Variants in CPQ observed in about 807,000 individuals in gnomAD.
CPQ encodes the protein carboxypeptidase Q.
Under a neutral mutation model 45.7 loss-of-function variants are expected in CPQ, and 37 were observed. That is an observed-to-expected ratio of 0.81 (90% CI 0.62 to 1.07). CPQ has a LOEUF of 1.07. Among genes scored for constraint, CPQ ranks in the 50% least tolerant of loss-of-function variants. The pLI, the probability that CPQ is intolerant of heterozygous loss-of-function variation, is 0.00. For missense variants in CPQ, 537 were observed against 572.9 expected (o/e 0.94, Z 0.64); for synonymous variants, 186 against 205.8 (o/e 0.90, Z 0.82).
chr8:96,876,621 G>T (rs779470314), intron 3 of CPQ, among the ~76,000 whole-genome samples: 2 of 152,056 alleles, frequency 1.3e-5, no homozygotes, highest in Non-Finnish European at 2.9e-5. Context: ...AGTTTGATTA[G>T]TGATTTTATC....
intron 2 of CPQ, among the ~76,000 whole-genome samples, chr8:96,806,447 C>T (rs1811081337): frequency 6.6e-6 from 1 of 152,032 alleles, no homozygotes; most frequent in Non-Finnish European, 1.5e-5. Context: ...TCCCACAGTA[C>T]TAAGACAGAC....
chr8:97,112,819 G>A (rs1446103306), intron 7 of CPQ, among the ~76,000 whole-genome samples: 3 of 152,232 alleles, frequency 2.0e-5, no homozygotes, highest in African/African-American at 2.4e-5. Flanking sequence ...GTGATGTCAC[G>A]GAGAGGAAGG....
intron 1 of CPQ, among the ~76,000 whole-genome samples, chr8:96,654,509 T>G (rs1563693035): frequency 6.6e-6 from 1 of 152,102 alleles, no homozygotes; most frequent in South Asian, 2.1e-4. Context: ...TAGAGTACTG[T>G]GTATAATGAG....
At chr8:96,950,316 A>T (rs994053731) in intron 4 of CPQ, among the ~76,000 whole-genome samples, 1 of 152,166 alleles carries the variant, frequency 6.6e-6, no homozygotes, top group African/African-American at 2.4e-5. Flanking sequence ...GTTTTCTTTA[A>T]GGAACTGAAC....
chr8:96,694,414 G>C (rs1039632126), intron 1 of CPQ, among the ~76,000 whole-genome samples: 1 of 151,774 alleles, frequency 6.6e-6, no homozygotes, highest in Non-Finnish European at 1.5e-5. Context: ...CTGCACAGTA[G>C]ATCAAATGGA....
chr8:96,776,848 C>G (rs190600999), intron 1 of CPQ, among the ~76,000 whole-genome samples: 269 of 152,200 alleles, frequency 1.8e-3, no homozygotes, highest in Non-Finnish European at 3.3e-3. Context: ...TATATAACTT[C>G]TGAATTCAAA....
intron 7 of CPQ, among the ~76,000 whole-genome samples, chr8:97,091,875 G>A (rs943019738): frequency 1.3e-5 from 2 of 151,888 alleles, no homozygotes; most frequent in African/African-American, 4.8e-5. Flanking sequence ...TGGATGGATG[G>A]ATGGATGGCA....
intron 4 of CPQ, among the ~76,000 whole-genome samples, chr8:96,903,693 A>C (rs1367677855): frequency 6.6e-6 from 1 of 152,216 alleles, no homozygotes; most frequent in Non-Finnish European, 1.5e-5. Flanking sequence ...GCTGTCAAGC[A>C]GCTAATGAGT....
chr8:97,142,553 T>C (rs13251827), intron 7 of CPQ, among the ~76,000 whole-genome samples: 11,585 of 152,316 alleles, frequency 0.076, 612 homozygotes, highest in African/African-American at 0.13. Flanking sequence ...ATACTGTCTT[T>C]TTATAAATAT....
chr8:97,049,228 T>C (rs1483030443), intron 6 of CPQ, among the ~76,000 whole-genome samples: 1 of 152,198 alleles, frequency 6.6e-6, no homozygotes, highest in Non-Finnish European at 1.5e-5. Flanking sequence ...TCTGATTAGG[T>C]GAAAAATGCC....
chr8:96,799,997 A>G (rs1052013074), intron 2 of CPQ, among the ~76,000 whole-genome samples: 7 of 152,212 alleles, frequency 4.6e-5, no homozygotes, highest in Non-Finnish European at 1.0e-4. Flanking sequence ...AAATTAAAAG[A>G]CAAAAATATT....
intron 2 of CPQ, among the ~76,000 whole-genome samples, chr8:96,786,757 A>G (rs573095166): frequency 2.6e-4 from 39 of 152,146 alleles, no homozygotes; most frequent in African/African-American, 9.2e-4. Context: ...TTTGATTTGC[A>G]TTTCCCTAAT....
chr8:96,694,800 G>A (rs1036396290), intron 1 of CPQ, among the ~76,000 whole-genome samples: 10 of 152,112 alleles, frequency 6.6e-5, no homozygotes, highest in Non-Finnish European at 1.3e-4. Flanking sequence ...TGTATAAGCA[G>A]CTACATAAAA....
chr8:96,865,117 G>A (rs1370074041), intron 3 of CPQ, among the ~76,000 whole-genome samples: 2 of 152,024 alleles, frequency 1.3e-5, no homozygotes, highest in Non-Finnish European at 2.9e-5. Context: ...AATAAAGATT[G>A]GAACATGGCC....
intron 5 of CPQ, among the ~76,000 whole-genome samples, chr8:97,001,806 T>A (rs1809288131): frequency 1.4e-5 from 2 of 147,660 alleles, no homozygotes; most frequent in Admixed American, 1.4e-4. Flanking sequence ...TAGTGAGTAG[T>A]CCCTCTTCAA....
intron 5 of CPQ, among the ~76,000 whole-genome samples, chr8:96,971,400 T>G (rs1779254911): frequency 6.6e-6 from 1 of 152,272 alleles, no homozygotes; most frequent in Non-Finnish European, 1.5e-5. Flanking sequence ...GAACGTAGTA[T>G]TATTGGAAAT....
intron 1 of CPQ, among the ~76,000 whole-genome samples, chr8:96,662,343 G>A (rs2130713281): frequency 6.6e-6 from 1 of 152,264 alleles, no homozygotes; most frequent in South Asian, 2.1e-4. Flanking sequence ...ATGAAGATAT[G>A]TGATAATAAA....
rs554379341 is a variant in CPQ, at chr8:96,985,355, A to G, written c.961+19309A>G. Among the ~76,000 whole-genome samples the G allele has an allele frequency of 2.4e-4, 37 of 151,918 alleles. No homozygotes were observed. The South Asian group carries it at 7.5e-3, about 31-fold the overall frequency. ...ATTCTATTCTGTCCTTCTGTAATCC[A>G]TACAGAATAAATCTATCATTTTGTC... On this transcript the variant is annotated intron_variant, in intron 5 of 7. Transcript: ENST00000220763.
At chr8:96,989,417 G>A (rs1004632669) in intron 5 of CPQ, among the ~76,000 whole-genome samples, 1 of 131,924 alleles carries the variant, frequency 7.6e-6, no homozygotes, top group Admixed American at 7.7e-5. Context: ...GGAGGGGAGG[G>A]GACAGGAGCG....
Sources: gnomAD v4.1 joint callset for allele counts (sites outside exome capture counted in the v4.1 genomes callset) on GRCh38, gnomAD v4.1.1 for gene constraint, MANE v1.5 for transcripts, NCBI Gene and HGNC (gene_info 2026-07-23, HGNC 2026-07-21) for gene names.